CYP39A1: variants seen among roughly 807,000 people sequenced by gnomAD.
CYP39A1 encodes 24-hydroxycholesterol 7-alpha-hydroxylase.
CYP39A1 carries 49 observed loss-of-function variants against 58.1 expected under a neutral mutation model. The ratio of observed to expected loss-of-function variants is 0.84; its 90% CI spans 0.67 to 1.07. The LOEUF is 1.07. Ranked by LOEUF, CYP39A1 falls within the 50% of genes least tolerant of loss-of-function variation. CYP39A1 has a pLI of 0.00. For synonymous variants in CYP39A1, 209 were observed against 187.6 expected (o/e 1.11, Z -0.93); for missense variants, 531 against 539.4 (o/e 0.98, Z 0.16).
chr6:46,641,704 A>C (rs753833905), intron 2 of CYP39A1, among the ~76,000 whole-genome samples: 23 of 152,170 alleles, frequency 1.5e-4, no homozygotes, highest in Non-Finnish European at 2.4e-4. Context: ...TCAAGCTCCC[A>C]TTGACCATAA....
intron 7 of CYP39A1, among the ~76,000 whole-genome samples, chr6:46,604,675 T>C (rs969582252): frequency 1.3e-5 from 2 of 152,176 alleles, no homozygotes; most frequent in African/African-American, 4.8e-5. Flanking sequence ...GATTGGATGA[T>C]TAGTTTGGTA....
At chr6:46,574,521 T>C (rs1771751767) in intron 10 of CYP39A1, among the ~76,000 whole-genome samples, 1 of 152,160 alleles carries the variant, frequency 6.6e-6, no homozygotes, top group South Asian at 2.1e-4. Flanking sequence ...TATTGTAAAA[T>C]AGCAGTTTTA....
At chr6:46,609,874 C>T (rs569056575) in intron 7 of CYP39A1, among the ~76,000 whole-genome samples, 2 of 152,192 alleles carry the variant, frequency 1.3e-5, no homozygotes, top group African/African-American at 2.4e-5. Context: ...TAATTGCACA[C>T]GTTTATTATT....
intron 10 of CYP39A1, among the ~76,000 whole-genome samples, chr6:46,570,252 A>ATT (rs1771510858): frequency 6.6e-6 from 1 of 151,972 alleles, no homozygotes; most frequent in Non-Finnish European, 1.5e-5. Context: ...AAGATATATC[A>ATT]TTTTTCAAGA....
At chr6:46,627,462 A>C (rs184642339) in intron 6 of CYP39A1, among the ~76,000 whole-genome samples, 1 of 150,334 alleles carries the variant, frequency 6.7e-6, no homozygotes, top group African/African-American at 2.4e-5. Context: ...TCTGTTGCCT[A>C]GGCTGGAGTG....
In CYP39A1 at chr6:46,616,160, CTTTT is replaced by C. The variant is rs376899484; in HGVS notation, c.931+9254_931+9257del. Among the ~76,000 whole-genome samples the C allele has an allele frequency of 7.3e-3, 84 of 11,580 alleles. 6 individuals carry two copies. The highest frequency in any genetic ancestry group is 0.031 in the African/African-American group (73 of 2,384). 7.6% of individuals were successfully genotyped at this position (11,580 alleles called of 152,430 possible). On this transcript the variant is annotated intron_variant, in intron 7 of 11. Transcript: ENST00000275016. ...TCTTTCTTTCTTTCTTTCTTTCTTT[CTTTT>C]TTCTTTCTTTCTTTCTTTCTTTCTT...
At chr6:46,554,864 C>T (rs1277775629) in intron 10 of CYP39A1, among the ~76,000 whole-genome samples, 1 of 152,116 alleles carries the variant, frequency 6.6e-6, no homozygotes, top group Non-Finnish European at 1.5e-5. Context: ...CCCCTTATCT[C>T]CAGTCCCTCC....
intron 6 of CYP39A1, among the ~76,000 whole-genome samples, chr6:46,626,087 A>G (rs1360259482): frequency 6.6e-6 from 1 of 152,068 alleles, no homozygotes; most frequent in Admixed American, 6.5e-5. Flanking sequence ...ATTAGTAAAT[A>G]AAAGAAAAAA....
rs575524846 is a variant in CYP39A1 at position 46,628,583 on chromosome 6, C to T, written c.840+2380G>A. On this transcript the variant is annotated intron_variant, in intron 6 of 11. Coordinates refer to ENST00000275016, the MANE Select transcript of CYP39A1 (RefSeq NM_016593.5). ...GCCACAATGGAGCCTCCTAGTGACC[C>T]AGTGCCTAACCCATCTGAAGCCTGA... 7.2e-5 allele frequency among the ~76,000 whole-genome samples: 11 copies of T among 152,232 alleles called. No homozygotes were observed. The South Asian group carries it at 2.3e-3, about 32-fold the overall frequency.
At chr6:46,630,089 C>A (rs759396843) in intron 6 of CYP39A1, among the ~76,000 whole-genome samples, 1 of 151,404 alleles carries the variant, frequency 6.6e-6, no homozygotes, top group Non-Finnish European at 1.5e-5. Flanking sequence ...GAATGAGACA[C>A]CATCTCAAAA....
At position 46,643,849 on chromosome 6, in the gene CYP39A1, C is replaced by T. The variant is rs184300207; in HGVS notation, c.178-1551G>A. 1.1e-4 allele frequency among the ~76,000 whole-genome samples: 16 copies of T among 152,172 alleles called. No individual in the cohort carries two copies. The East Asian group carries it at 1.5e-3, about 15-fold the overall frequency. Reference sequence around the variant, plus strand: ...TGCAATGTCAGCAGCCTCGGTGTTACGAAGTACAGGCAGGCACACACGGTA... The same window carrying T: ...TGCAATGTCAGCAGCCTCGGTGTTATGAAGTACAGGCAGGCACACACGGTA... On this transcript the variant is annotated intron_variant, in intron 1 of 11. Coordinates refer to ENST00000275016, the MANE Select transcript of CYP39A1 (RefSeq NM_016593.5).
rs539866033 is a variant in CYP39A1 at position 46,624,791 on chromosome 6, A to T, written c.931+627T>A. ...ATGCTGAATAAACAAGTAGTTGAGTACTCTCTATTCAAGCTTGTATTTGCT... is the reference window on the plus strand; with the variant it reads ...ATGCTGAATAAACAAGTAGTTGAGTTCTCTCTATTCAAGCTTGTATTTGCT... On this transcript the variant is annotated intron_variant, in intron 7 of 11. Transcript: ENST00000275016. 2.6e-5 allele frequency among the ~76,000 whole-genome samples: 4 copies of T among 152,270 alleles called. No homozygotes were observed. In the South Asian group the frequency reaches 8.3e-4, roughly 32 times the overall value.
chr6:46,624,653 T>C (rs79313359), intron 7 of CYP39A1, among the ~76,000 whole-genome samples: 3,075 of 152,316 alleles, frequency 0.02, 93 homozygotes, highest in African/African-American at 0.07. Context: ...GCCCTAATAT[T>C]ATATTGTTTT....
chr6:46,595,111 A>G (rs1200533820), intron 8 of CYP39A1, among the ~76,000 whole-genome samples: 1 of 152,074 alleles, frequency 6.6e-6, no homozygotes, highest in African/African-American at 2.4e-5. Flanking sequence ...AAACACAAGG[A>G]TCTATCACCT....
Position 46,652,739 on chromosome 6 carries a change from C to A in CYP39A1, c.-157G>T. 1.6e-6 allele frequency: 1 copy of A among 626,126 alleles called. No individual in the cohort carries two copies. The highest frequency in any genetic ancestry group is 2.9e-5 in the East Asian group (1 of 34,080). 38.8% of individuals were successfully genotyped at this position (626,126 alleles called of 1,614,324 possible). A position where few individuals can be genotyped will look rare whatever the true frequency, so the allele number is the denominator to read the frequency against. ...TAACTGTAGCTTCCTTCCTCTGTCC[C>A]AGTTTTCAGGTGATTTTTCCATTGT... On this transcript the variant is annotated 5_prime_UTR_variant, in exon 1 of 12. Transcript: ENST00000275016.
At position 46,598,931 on chromosome 6, in the gene CYP39A1, G is replaced by A. The variant is rs143958074; in HGVS notation, c.932-2811C>T. Among the ~76,000 whole-genome samples, 431 of 152,200 alleles carry A rather than the reference G, an allele frequency of 2.8e-3. 3 individuals carry two copies. The highest frequency in any genetic ancestry group is 9.6e-3 in the African/African-American group (398 of 41,532). ...GATTTACTTTTTATTTATTATTACC[G>A]TTACTATTAATGCGAATTTAATAAT... On this transcript the variant is annotated intron_variant, in intron 7 of 11. Coordinates refer to ENST00000275016, the MANE Select transcript of CYP39A1 (RefSeq NM_016593.5).
chr6:46,625,691 T>C (rs925717288), intron 6 of CYP39A1, among the ~76,000 whole-genome samples, 183 bp from the exon 7 acceptor site: 1 of 152,098 alleles, frequency 6.6e-6, no homozygotes, highest in East Asian at 1.9e-4. Flanking sequence ...ATGTAATATA[T>C]CTCCAAGAAG....
At chr6:46,550,494 G>T in intron 11 of CYP39A1, 57 bp from the exon 12 acceptor site, 1 of 1,483,472 alleles carries the variant, frequency 6.7e-7, no homozygotes, top group South Asian at 1.2e-5. Flanking sequence ...CACAGTTTCA[G>T]ACCTAAGGTT....
At chr6:46,626,061 CT>C (rs11452186) in intron 6 of CYP39A1, among the ~76,000 whole-genome samples, 6 of 151,390 alleles carry the variant, frequency 4.0e-5, no homozygotes, top group Admixed American at 3.9e-4. Flanking sequence ...TTTTTTTTGG[CT>C]TTTTTTGGCT....
Sources: allele counts gnomAD v4.1 joint callset (sites outside exome capture counted in the v4.1 genomes callset), GRCh38; gene constraint gnomAD v4.1.1; transcripts MANE v1.5; gene names NCBI Gene and HGNC (gene_info 2026-07-23, HGNC 2026-07-21).